The following NRXN2 variants were observed in gnomAD, a reference collection of about 807,000 sequenced individuals.
NRXN2 encodes neurexin-2-beta.
A neutral mutation model predicts 128.8 loss-of-function variants in NRXN2; 29 were observed. The observed-to-expected ratio is 0.23, with a 90% CI of 0.17 to 0.31. NRXN2 has a LOEUF of 0.31. NRXN2 is among the 10% of genes least tolerant of loss of function. The probability of loss-of-function intolerance (pLI) is 1.00; values close to 1 mark genes in which losing one functional copy is unlikely to be tolerated. For synonymous variants in NRXN2, 1,098 were observed against 1,075.2 expected (o/e 1.02, Z -0.41); for missense variants, 1,881 against 2,452.6 (o/e 0.77, Z 4.92).
At position 64,667,746 on chromosome 11, in the gene NRXN2, A is replaced by C. The variant is rs1376860690; in HGVS notation, c.1360-58T>G. The C allele has an allele frequency of 1.3e-6, 2 of 1,557,586 alleles. No individual in the cohort carries two copies. The highest frequency in any genetic ancestry group is 2.7e-5 in the African/African-American group (2 of 73,776). ...TCCGAAAGCAGCTTAGGGCCTGGCC[A>C]CTCCCACCCAGCAGCGAGCACCAGG... On this transcript the variant is annotated intron_variant, in intron 8 of 22. Coordinates refer to ENST00000265459, the MANE Select transcript of NRXN2 (RefSeq NM_015080.4). This position sits in a 1 kb window ranked among gnomAD's most constrained non-coding sequence, Gnocchi z 5.6.
intron 22 of NRXN2, among the ~76,000 whole-genome samples, chr11:64,612,198 G>A (rs979220703): frequency 5.9e-5 from 9 of 152,080 alleles, no homozygotes; most frequent in Non-Finnish European, 1.0e-4. Context: ...GGCAGGACCT[G>A]GAGGAGGGGA....
At chr11:64,702,970 C>A (rs184861870) in intron 2 of NRXN2, among the ~76,000 whole-genome samples, 1,273 of 101,384 alleles carry the variant, frequency 0.013, 13 homozygotes, top group Middle Eastern at 0.037. Context: ...GCCCAGGTCT[C>A]TAAAAAAAAA....
In NRXN2 at chr11:64,685,826, G is replaced by C; in HGVS notation, c.972C>G (p.Asn324Lys). The change falls in exon 6 of 23, where the codon AAC becomes AAG. Residue 324 changes from asparagine (N) to lysine (K), a missense_variant. Coordinates refer to ENST00000265459, the MANE Select transcript of NRXN2 (RefSeq NM_015080.4). ...ITLAFRTLQR[N>K]GLMLHTGKSA... ...ACTTGCCTGTATGCAGCATCAGGCC[G>C]TTGCGTTGCAGGGTGCGGAAGGCCA... The C allele has an allele frequency of 6.2e-7, 1 of 1,614,260 alleles. No individual in the cohort carries two copies. The highest frequency in any genetic ancestry group is 8.5e-7 in the Non-Finnish European group (1 of 1,180,058).
At position 64,713,527 on chromosome 11, in the gene NRXN2, C is replaced by A. The variant is rs753950974; in HGVS notation, c.173G>T (p.Arg58Leu). ...ASSGELSFSL[R>L]TNATRALLLY... Reference sequence around the variant, plus strand: ...CAGCAGCGCGCGCGTGGCGTTGGTGCGCAGGCTGAAGCTGAGCTCGCCGCT... The same window carrying A: ...CAGCAGCGCGCGCGTGGCGTTGGTGAGCAGGCTGAAGCTGAGCTCGCCGCT... Residue 58 changes from arginine (R) to leucine (L), a missense_variant, in exon 2 of 23, where the codon CGC becomes CTC. This residue lies in a region of NRXN2 where 997 missense variants were observed against 1,240.8 expected (regional missense o/e 0.80). Coordinates refer to ENST00000265459, the MANE Select transcript of NRXN2 (RefSeq NM_015080.4). 6.7e-7 allele frequency: 1 copy of A among 1,503,086 alleles called. No homozygotes were observed. The highest frequency in any genetic ancestry group is 1.2e-5 in the South Asian group (1 of 81,084). The allele number at this position is 1,503,086 out of a possible 1,614,324, so 93.1% of individuals were successfully genotyped here.
chr11:64,696,588 T>C (rs1373920123), intron 3 of NRXN2, among the ~76,000 whole-genome samples: 2 of 149,440 alleles, frequency 1.3e-5, no homozygotes, highest in African/African-American at 4.9e-5. Context: ...CCTGGGGACC[T>C]GAGGACCCCC....
chr11:64,639,528 G>A (rs2135405870), intron 17 of NRXN2, among the ~76,000 whole-genome samples: 1 of 152,252 alleles, frequency 6.6e-6, no homozygotes, highest in South Asian at 2.1e-4. Flanking sequence ...CAAGGACTCT[G>A]AAACCAGAAT....
intron 22 of NRXN2, among the ~76,000 whole-genome samples, chr11:64,609,561 T>C (rs1224838439): frequency 6.6e-6 from 1 of 152,106 alleles, no homozygotes; most frequent in Non-Finnish European, 1.5e-5. Context: ...ATAACTCCCA[T>C]CAGTCCTTGG....
intron 11 of NRXN2, among the ~76,000 whole-genome samples, chr11:64,657,190 G>C (rs186171103): frequency 1.9e-3 from 296 of 152,322 alleles, no homozygotes; most frequent in African/African-American, 6.4e-3. Flanking sequence ...CTGCCGGTCT[G>C]TGAGGCCCTG....
chr11:64,636,350 C>A (rs912723936), intron 17 of NRXN2, among the ~76,000 whole-genome samples: 3 of 149,842 alleles, frequency 2.0e-5, no homozygotes, highest in South Asian at 4.3e-4. Flanking sequence ...CCAAAATAAA[C>A]CCCATTAGTC....
chr11:64,618,220 C>A (rs1403622146), intron 22 of NRXN2, among the ~76,000 whole-genome samples: 1 of 152,228 alleles, frequency 6.6e-6, no homozygotes, highest in East Asian at 1.9e-4. Context: ...CCTGACTAGA[C>A]TCCAAGACAG....
intron 2 of NRXN2, among the ~76,000 whole-genome samples, chr11:64,699,064 A>G (rs965639607): frequency 1.3e-5 from 2 of 152,174 alleles, no homozygotes; most frequent in African/African-American, 4.8e-5. Flanking sequence ...CTCCAACCCC[A>G]TTTGGTGATA....
chr11:64,685,799 C>T lies in NRXN2; in HGVS notation c.999G>A (p.Ser333=), dbSNP rs375837520. ...RNGLMLHTGK[S]ADYVNLSLKS... ...TGAGGGACAGGTTGACGTAGTCGGCCGACTTGCCTGTATGCAGCATCAGGC... is the reference window on the plus strand; with the variant it reads ...TGAGGGACAGGTTGACGTAGTCGGCTGACTTGCCTGTATGCAGCATCAGGC... The change falls in exon 6 of 23, where the codon TCG becomes TCA. Residue 333 remains serine, a synonymous_variant. Transcript: ENST00000265459. 69 of 1,614,108 alleles carry T rather than the reference C, an allele frequency of 4.3e-5. No individual in the cohort carries two copies. The African/African-American group carries it at 4.7e-4, about 11-fold the overall frequency.
At chr11:64,615,292 G>T (rs536785942) in intron 22 of NRXN2, among the ~76,000 whole-genome samples, 1 of 152,372 alleles carries the variant, frequency 6.6e-6, no homozygotes, top group African/African-American at 2.4e-5. Context: ...ACTTGGAGAA[G>T]AGTGGCCCAC....
chr11:64,662,626 C>T (rs1215189805), intron 9 of NRXN2, among the ~76,000 whole-genome samples: 1 of 151,570 alleles, frequency 6.6e-6, no homozygotes, highest in Non-Finnish European at 1.5e-5. Flanking sequence ...CTAACAAAGA[C>T]AAAAAATTAG....
At chr11:64,621,141 C>T (rs1303164458) in intron 21 of NRXN2, among the ~76,000 whole-genome samples, 1 of 152,098 alleles carries the variant, frequency 6.6e-6, no homozygotes, top group Non-Finnish European at 1.5e-5. Context: ...CCTGCCTCTT[C>T]CCAGCCCATG....
chr11:64,713,168 G>A lies in NRXN2; in HGVS notation c.532C>T (p.Leu178Phe). The A allele has an allele frequency of 6.8e-7, 1 of 1,462,004 alleles. No homozygotes were observed. The highest frequency in any genetic ancestry group is 9.0e-7 in the Non-Finnish European group (1 of 1,110,086). 90.6% of individuals were successfully genotyped at this position (1,462,004 alleles called of 1,614,324 possible). A position where few individuals can be genotyped will look rare whatever the true frequency, so the allele number is the denominator to read the frequency against. ...TVKYEPPFRG[L>F]LANLKLGERP... is the part of the protein sequence containing the mutation. ...TCGCCCAGCTTCAGGTTGGCCAAGA[G>A]GCCGCGGAAGGGCGGCTCGTACTTG... Residue 178 changes from leucine to phenylalanine, a missense_variant, in exon 2 of 23, where the codon CTC becomes TTC. This residue lies in a region of NRXN2 where 997 missense variants were observed against 1,240.8 expected (regional missense o/e 0.80). Coordinates refer to ENST00000265459, the MANE Select transcript of NRXN2 (RefSeq NM_015080.4).
Position 64,652,048 on chromosome 11 carries a change from G to A in NRXN2, c.2523C>T (p.Asn841=), listed in dbSNP as rs1423317973. The stretch of plus-strand genomic sequence containing the variant: ...CAGACCACCTACCCTCCACAGTCAC[G>A]TTGTCCACAGACAGCTGCAGGCTCT... ...RGKSLQLSVD[N]VTVEGQMAGA... The change falls in exon 13 of 23, where the codon AAC becomes AAT. Residue 841 remains asparagine, a synonymous_variant. Coordinates refer to ENST00000265459, the MANE Select transcript of NRXN2 (RefSeq NM_015080.4). 10 of 1,612,528 alleles carry A rather than the reference G, an allele frequency of 6.2e-6. No homozygotes were observed. Among genetic ancestry groups the A allele is most frequent in the Admixed American group, 3.3e-5 (2 of 60,022 alleles).
Position 64,632,515 on chromosome 11 carries a change from A to G in NRXN2, c.3586-1942T>C, listed in dbSNP as rs1398488626. ...TGTTAGTAATAATACCACCCAGAATAGTATCAGCTCCCTGGATTCCTCTGA... is the reference window on the plus strand; with the variant it reads ...TGTTAGTAATAATACCACCCAGAATGGTATCAGCTCCCTGGATTCCTCTGA... On this transcript the variant is annotated intron_variant, in intron 18 of 22. Transcript: ENST00000265459. The surrounding 1 kb of genome is among the most constrained non-coding windows in gnomAD (Gnocchi z 4.2). Among the ~76,000 whole-genome samples the G allele has an allele frequency of 6.6e-6, 1 of 152,160 alleles. No homozygotes were observed. The highest frequency in any genetic ancestry group is 1.5e-5 in the Non-Finnish European group (1 of 68,024).
chr11:64,607,551 G>A lies in NRXN2; in HGVS notation c.4784C>T (p.Pro1595Leu). The change falls in exon 23 of 23, where the codon CCC becomes CTC. Residue 1595 changes from proline (P) to leucine (L), a missense_variant. By Grantham distance (98) the Pro-to-Leu change is moderately conservative. Around this residue, in one of 7 missense-constraint regions of NRXN2, gnomAD observed 310 missense variants for 318.2 expected, o/e 0.97. Coordinates refer to ENST00000265459, the MANE Select transcript of NRXN2 (RefSeq NM_015080.4). ...GGCTGAGGTCACGCCGGGGCGCAGG[G>A]GAGGGGGCCTCCGCGGCTCAAAGGA... ...PTSFEPRRPPPLRPGVTSAPG... is the reference protein window; with the variant it reads ...PTSFEPRRPPLLRPGVTSAPG... 6.5e-7 allele frequency: 1 copy of A among 1,550,086 alleles called. No individual in the cohort carries two copies. The highest frequency in any genetic ancestry group is 2.4e-5 in the East Asian group (1 of 42,526).
Sources: allele counts gnomAD v4.1 joint callset (sites outside exome capture counted in the v4.1 genomes callset), GRCh38; gene constraint gnomAD v4.1.1; regional missense constraint gnomAD v4.1.1; non-coding constraint Gnocchi (gnomAD v3.1); transcripts MANE v1.5; gene names NCBI Gene and HGNC (gene_info 2026-07-23, HGNC 2026-07-21).